The following PNMA8A variants were observed in gnomAD, a reference collection of about 807,000 sequenced individuals.
The protein encoded by PNMA8A is PNMA family member 8A.
In PNMA8A, 17 loss-of-function variants were observed where a neutral mutation model predicts 26.6. The observed-to-expected ratio is 0.64, with a 90% CI of 0.44 to 0.96. The LOEUF is 0.96. PNMA8A is among the 40% of genes least tolerant of loss of function. PNMA8A has a pLI of 0.00. For missense variants in PNMA8A, 532 were observed against 488.4 expected (o/e 1.09, Z -0.84); for synonymous variants, 224 against 182.0 (o/e 1.23, Z -1.86).
rs1436716115 is a variant in PNMA8A, at chr19:46,467,126, G to A, written c.*1435C>T. ...AAGAGATGCCTGAAATAACTAAGAC[G>A]TGTACAAAAACAAGTTAACCTATGA... On this transcript the variant is annotated 3_prime_UTR_variant, in exon 3 of 3. Transcript: ENST00000313683. 1.3e-5 allele frequency: 2 copies of A among 152,168 alleles called. No individual in the cohort carries two copies. Among genetic ancestry groups the A allele is most frequent in the African/African-American group, 2.4e-5 (1 of 41,430 alleles). The allele number at this position is 152,168 out of a possible 1,614,324, so 9.4% of individuals were successfully genotyped here.
In PNMA8A at chr19:46,470,192, T is replaced by C; in HGVS notation, c.844A>G (p.Met282Val). The change falls in exon 2 of 3, where the codon ATG becomes GTG. Residue 282 changes from methionine (M) to valine (V), a missense_variant. By Grantham distance (21) the Met-to-Val change is conservative (BLOSUM62 1). Coordinates refer to ENST00000313683, the MANE Select transcript of PNMA8A (RefSeq NM_018215.4). ...EDPEVGDAES[M>V]AISEPIKGSR... Reference sequence around the variant, plus strand: ...CCCTTGATCGGCTCTGAGATCGCCATGCTTTCAGCATCACCCACCTCAGGA... The same window carrying C: ...CCCTTGATCGGCTCTGAGATCGCCACGCTTTCAGCATCACCCACCTCAGGA... 6.2e-7 allele frequency: 1 copy of C among 1,614,230 alleles called. No homozygotes were observed. Among genetic ancestry groups the C allele is most frequent in the Non-Finnish European group, 8.5e-7 (1 of 1,180,048 alleles).
At position 46,470,530 on chromosome 19, in the gene PNMA8A, C is replaced by T. The variant is rs1197515845; in HGVS notation, c.506G>A (p.Arg169His). Reference sequence around the variant, plus strand: ...CTGGGCCCTGGCTTCCTCCCGGCTGCGGATCTCGGCATCCATGCAGAAGAT... The same window carrying T: ...CTGGGCCCTGGCTTCCTCCCGGCTGTGGATCTCGGCATCCATGCAGAAGAT... Reference protein sequence around the residue: ...QIIFCMDAEIRSREEARAQEA... With the variant: ...QIIFCMDAEIHSREEARAQEA... Residue 169 changes from arginine (R) to histidine (H), a missense_variant, in exon 2 of 3, where the codon CGC becomes CAC. Transcript: ENST00000313683. The T allele has an allele frequency of 1.2e-5, 20 of 1,614,034 alleles. No individual in the cohort carries two copies. Among genetic ancestry groups the T allele is most frequent in the Non-Finnish European group, 1.6e-5 (19 of 1,180,038 alleles).
Position 46,471,097 on chromosome 19 carries a change from G to A in PNMA8A, c.-62C>T, listed in dbSNP as rs553066927. 3 of 677,898 alleles carry A rather than the reference G, an allele frequency of 4.4e-6. No homozygotes were observed. Among genetic ancestry groups the A allele is most frequent in the Non-Finnish European group, 8.1e-6 (3 of 370,964 alleles). 42.0% of individuals were successfully genotyped at this position (677,898 alleles called of 1,614,324 possible). On this transcript the variant is annotated 5_prime_UTR_variant, in exon 2 of 3. Coordinates refer to ENST00000313683, the MANE Select transcript of PNMA8A (RefSeq NM_018215.4). ...CTATCAGGTGGACGTGGGCTGCAGC[G>A]GTCTCCAAACAGTAATCCTGCAAGG...
chr19:46,469,856 C>G lies in PNMA8A; in HGVS notation c.1180G>C (p.Gly394Arg). 2 of 1,614,256 alleles carry G rather than the reference C, an allele frequency of 1.2e-6. No individual in the cohort carries two copies. The highest frequency in any genetic ancestry group is 1.7e-4 in the Middle Eastern group (1 of 6,060). Reference sequence around the variant, plus strand: ...TGATCTGATGCCTCCCTTCTTGAGCCTGGCCCTTTCTTTGGCATCACCGGC... The same window carrying G: ...TGATCTGATGCCTCCCTTCTTGAGCGTGGCCCTTTCTTTGGCATCACCGGC... ...KKPVMPKKGP[G>R]SRREASDQKA... The change falls in exon 2 of 3, where the codon GGC (glycine) becomes CGC (arginine). Residue 394 changes from glycine to arginine, a missense_variant. Coordinates refer to ENST00000313683, the MANE Select transcript of PNMA8A (RefSeq NM_018215.4).
At chr19:46,468,999 C>T (rs1969745543) in intron 2 of PNMA8A, among the ~76,000 whole-genome samples, 1 of 152,068 alleles carries the variant, frequency 6.6e-6, no homozygotes, top group Non-Finnish European at 1.5e-5. Flanking sequence ...CCATGCCCAG[C>T]TAATTTTTGT....
At position 46,467,804 on chromosome 19, in the gene PNMA8A, T is replaced by C. The variant is rs1342448544; in HGVS notation, c.*757A>G. The C allele has an allele frequency of 1.3e-5, 2 of 152,290 alleles. No individual in the cohort carries two copies. Among genetic ancestry groups the C allele is most frequent in the South Asian group, 2.1e-4 (1 of 4,830 alleles). The allele number at this position is 152,290 out of a possible 1,614,324, so 9.4% of individuals were successfully genotyped here. A position where few individuals can be genotyped will look rare whatever the true frequency, so the allele number is the denominator to read the frequency against. On this transcript the variant is annotated 3_prime_UTR_variant, in exon 3 of 3. Coordinates refer to ENST00000313683, the MANE Select transcript of PNMA8A (RefSeq NM_018215.4). ...CAGTTTGGTGCAAAGATGGTGACAG[T>C]TGGGTAGATGGATGGAATTAGAGCT...
At position 46,469,857 on chromosome 19, in the gene PNMA8A, T is replaced by A; in HGVS notation, c.1179A>T (p.Pro393=). ...GATCTGATGCCTCCCTTCTTGAGCCTGGCCCTTTCTTTGGCATCACCGGCT... is the reference window on the plus strand; with the variant it reads ...GATCTGATGCCTCCCTTCTTGAGCCAGGCCCTTTCTTTGGCATCACCGGCT... The part of the protein sequence containing the change: ...RKKPVMPKKG[P]GSRREASDQK... Residue 393 remains proline, a synonymous_variant, in exon 2 of 3, where the codon CCA becomes CCT. Transcript: ENST00000313683. 1 of 1,614,248 alleles carries A rather than the reference T, an allele frequency of 6.2e-7. No individual in the cohort carries two copies.
chr19:46,468,320 G>A lies in PNMA8A; in HGVS notation c.*241C>T. On this transcript the variant is annotated 3_prime_UTR_variant, in exon 3 of 3. Coordinates refer to ENST00000313683, the MANE Select transcript of PNMA8A (RefSeq NM_018215.4). Reference sequence around the variant, plus strand: ...TTACCAACTCTCCTGCCTCCGAAGAGAAGGTGAGTAGAGAAGGCGGTGAAA... The same window carrying A: ...TTACCAACTCTCCTGCCTCCGAAGAAAAGGTGAGTAGAGAAGGCGGTGAAA... The A allele has an allele frequency of 2.0e-6, 1 of 490,486 alleles. No individual in the cohort carries two copies. Among genetic ancestry groups the A allele is most frequent in the Non-Finnish European group, 3.7e-6 (1 of 273,068 alleles). The allele number at this position is 490,486 out of a possible 1,614,324, so 30.4% of individuals were successfully genotyped here.
Position 46,470,812 on chromosome 19 carries a change from T to C in PNMA8A, c.224A>G (p.Glu75Gly), listed in dbSNP as rs1296841314. 1 of 781,646 alleles carries C rather than the reference T, an allele frequency of 1.3e-6. No homozygotes were observed. The highest frequency in any genetic ancestry group is 2.4e-6 in the Non-Finnish European group (1 of 418,686). 48.4% of individuals were successfully genotyped at this position (781,646 alleles called of 1,614,324 possible). A position where few individuals can be genotyped will look rare whatever the true frequency, so the allele number is the denominator to read the frequency against. The change falls in exon 2 of 3, where the codon GAA (glutamate) becomes GGA (glycine). Residue 75 changes from glutamate to glycine, a missense_variant. Glu to Gly is a moderately conservative substitution (Grantham distance 98). Coordinates refer to ENST00000313683, the MANE Select transcript of PNMA8A (RefSeq NM_018215.4). ...GGGGATGGTGCTCAGATTCACACCT[T>C]CACCAACCTCAATGAGGGCAGCTTT... is the stretch of plus-strand genomic sequence containing the variant. Reference protein sequence around the residue: ...NVKAALIEVGEGVNLSTIPRE... With the variant: ...NVKAALIEVGGGVNLSTIPRE...
At position 46,470,989 on chromosome 19, in the gene PNMA8A, C is replaced by T. The variant is rs780152920; in HGVS notation, c.47G>A (p.Gly16Glu). ...AMNLLEDWCRGMEVDIHRSLL... is the reference protein window; with the variant it reads ...AMNLLEDWCREMEVDIHRSLL... ...GGACCTGTGGATGTCCACTTCCATT[C>T]CCCTGCACCAATCCTCCAGAAGGTT... The change falls in exon 2 of 3, where the codon GGA (glycine) becomes GAA (glutamate). Residue 16 changes from glycine to glutamate, a missense_variant. By Grantham distance (98) the Gly-to-Glu change is moderately conservative (BLOSUM62 -2). Transcript: ENST00000313683. 5 of 779,472 alleles carry T rather than the reference C, an allele frequency of 6.4e-6. No homozygotes were observed. In the South Asian group the frequency reaches 6.7e-5, roughly 10 times the overall value. 48.3% of individuals were successfully genotyped at this position (779,472 alleles called of 1,614,324 possible).
At chr19:46,471,220 C>T in intron 1 of PNMA8A, 106 bp from the exon 2 acceptor site, 4 of 543,126 alleles carry the variant, frequency 7.4e-6, no homozygotes, top group Middle Eastern at 4.8e-4. Flanking sequence ...TGGCGCTTTC[C>T]CAACACCCTC....
In PNMA8A at chr19:46,466,575, C is replaced by T. The variant is rs539211626; in HGVS notation, c.*1986G>A. 4 of 152,160 alleles carry T rather than the reference C, an allele frequency of 2.6e-5. No homozygotes were observed. The highest frequency in any genetic ancestry group is 3.8e-4 in the East Asian group (2 of 5,202). 9.4% of individuals were successfully genotyped at this position (152,160 alleles called of 1,614,324 possible). ...TCATGGTGTCAACTTGTTAACACAACGAAGCCCTAATGGACCCGTTTTGAA... is the reference window on the plus strand; with the variant it reads ...TCATGGTGTCAACTTGTTAACACAATGAAGCCCTAATGGACCCGTTTTGAA... On this transcript the variant is annotated 3_prime_UTR_variant, in exon 3 of 3. Coordinates refer to ENST00000313683, the MANE Select transcript of PNMA8A (RefSeq NM_018215.4).
chr19:46,467,352 C>CACAT lies in PNMA8A; in HGVS notation c.*1208_*1209insATGT, dbSNP rs1222984993. On this transcript the variant is annotated 3_prime_UTR_variant, in exon 3 of 3. Coordinates refer to ENST00000313683, the MANE Select transcript of PNMA8A (RefSeq NM_018215.4). ...ACGCAAACACACACACACACACACA[C>CACAT]AATGACACATGGTGGTCTGGTCTAA... 6.6e-6 allele frequency: 1 copy of CACAT among 151,986 alleles called. No individual in the cohort carries two copies. The highest frequency in any genetic ancestry group is 2.4e-5 in the African/African-American group (1 of 41,362). 9.4% of individuals were successfully genotyped at this position (151,986 alleles called of 1,614,324 possible). A position where few individuals can be genotyped will look rare whatever the true frequency, so the allele number is the denominator to read the frequency against.
Position 46,467,818 on chromosome 19 carries a change from G to A in PNMA8A, c.*743C>T, listed in dbSNP as rs1221189860. On this transcript the variant is annotated 3_prime_UTR_variant, in exon 3 of 3. Transcript: ENST00000313683. ...GATGGTGACAGTTGGGTAGATGGAT[G>A]GAATTAGAGCTGGGGACCTAGGAAT... The A allele has an allele frequency of 5.2e-5, 8 of 152,464 alleles. No individual in the cohort carries two copies. The highest frequency in any genetic ancestry group is 1.9e-4 in the African/African-American group (8 of 41,576). 9.4% of individuals were successfully genotyped at this position (152,464 alleles called of 1,614,324 possible). A position where few individuals can be genotyped will look rare whatever the true frequency, so the allele number is the denominator to read the frequency against.
Position 46,471,097 on chromosome 19 carries a change from G to C in PNMA8A, c.-62C>G. 1 of 678,016 alleles carries C rather than the reference G, an allele frequency of 1.5e-6. No individual in the cohort carries two copies. The highest frequency in any genetic ancestry group is 2.2e-5 in the Admixed American group (1 of 45,868). 42.0% of individuals were successfully genotyped at this position (678,016 alleles called of 1,614,324 possible). ...CTATCAGGTGGACGTGGGCTGCAGC[G>C]GTCTCCAAACAGTAATCCTGCAAGG... On this transcript the variant is annotated 5_prime_UTR_variant, in exon 2 of 3. Coordinates refer to ENST00000313683, the MANE Select transcript of PNMA8A (RefSeq NM_018215.4).
In PNMA8A at chr19:46,468,515, C is replaced by T. The variant is rs1481333383; in HGVS notation, c.*46G>A. On this transcript the variant is annotated 3_prime_UTR_variant, in exon 3 of 3. Transcript: ENST00000313683. ...AAGAGAGAACTTGGTTGACTTGGTACTTCTTCCTTGTTCTTTCAACTCCTC... is the reference window on the plus strand; with the variant it reads ...AAGAGAGAACTTGGTTGACTTGGTATTTCTTCCTTGTTCTTTCAACTCCTC... 2.5e-6 allele frequency: 4 copies of T among 1,593,702 alleles called. No individual in the cohort carries two copies. Among genetic ancestry groups the T allele is most frequent in the Admixed American group, 3.3e-5 (2 of 59,926 alleles).
Position 46,469,620 on chromosome 19 carries a change from C to A in PNMA8A, c.1303+113G>T, listed in dbSNP as rs908558502. 5.0e-6 allele frequency: 6 copies of A among 1,206,568 alleles called. No individual in the cohort carries two copies. In the Middle Eastern group the frequency reaches 8.7e-4, roughly 175 times the overall value. 74.7% of individuals were successfully genotyped at this position (1,206,568 alleles called of 1,614,324 possible). A position where few individuals can be genotyped will look rare whatever the true frequency, so the allele number is the denominator to read the frequency against. ...TGCCATGCACCAGGGTCCTCCTCAT[C>A]ACCCGCTTGACCCACCACCTCCTCG... On this transcript the variant is annotated intron_variant, in intron 2 of 2. Coordinates refer to ENST00000313683, the MANE Select transcript of PNMA8A (RefSeq NM_018215.4).
chr19:46,469,552 G>A (rs1484393792), intron 2 of PNMA8A, among the ~76,000 whole-genome samples, 181 bp downstream of exon 2: 1 of 152,098 alleles, frequency 6.6e-6, no homozygotes, highest in Non-Finnish European at 1.5e-5. Context: ...TGGAAGGGCG[G>A]TCTGGGCTCT....
chr19:46,469,580 G>A (rs886821744), intron 2 of PNMA8A, among the ~76,000 whole-genome samples, 153 bp downstream of exon 2: 12 of 152,062 alleles, frequency 7.9e-5, no homozygotes, highest in African/African-American at 2.9e-4. Flanking sequence ...CTCAACTGGT[G>A]TGTCATCCAC....
Sources: allele counts gnomAD v4.1 joint callset (sites outside exome capture counted in the v4.1 genomes callset), GRCh38; gene constraint gnomAD v4.1.1; transcripts MANE v1.5; gene names NCBI Gene and HGNC (gene_info 2026-07-23, HGNC 2026-07-21).